PFKL: variants seen among roughly 807,000 people sequenced by gnomAD.
PFKL encodes phosphofructokinase, liver type.
PFKL carries 74 observed loss-of-function variants against 92.1 expected under a neutral mutation model. The observed-to-expected ratio is 0.80, with a 90% CI of 0.67 to 0.97. PFKL has a LOEUF of 0.97. PFKL is among the 50% of genes least tolerant of loss of function. The pLI, the probability that PFKL is intolerant of heterozygous loss-of-function variation, is 0.00. For synonymous variants in PFKL, 494 were observed against 456.4 expected (o/e 1.08, Z -1.05); for missense variants, 1,028 against 1,116.6 (o/e 0.92, Z 1.13).
intron 3 of PFKL, among the ~76,000 whole-genome samples, chr21:44,311,485 C>T (rs1334819262): frequency 6.6e-6 from 1 of 152,212 alleles, no homozygotes; most frequent in Non-Finnish European, 1.5e-5. Flanking sequence ...CAGATGCGCA[C>T]ACAGGTACAC....
chr21:44,324,394 C>G, intron 16 of PFKL, 97 bp from the exon 17 acceptor site: 1 of 1,329,598 alleles, frequency 7.5e-7, no homozygotes, highest in Non-Finnish European at 1.0e-6. Flanking sequence ...CCCAGGCTGG[C>G]TTTGGAGACA....
rs996260314 is a variant in PFKL, at chr21:44,303,053, T to G, written c.85+2863T>G. Among the ~76,000 whole-genome samples the G allele has an allele frequency of 4.6e-5, 7 of 152,004 alleles. No individual in the cohort carries two copies. In the East Asian group the frequency reaches 1.4e-3, roughly 29 times the overall value. On this transcript the variant is annotated intron_variant, in intron 1 of 21. Transcript: ENST00000349048. ...TTCAAGACCATCCTGGCTAACATGG[T>G]GAAACCTCGTCTCTACTAAAAATAC...
At chr21:44,314,222 C>T (rs2047136135) in intron 7 of PFKL, 1 of 578,994 alleles carries the variant, frequency 1.7e-6, no homozygotes, top group Non-Finnish European at 3.1e-6. Context: ...GTCCTGCCCC[C>T]AGTGGGCAGG....
At position 44,321,895 on chromosome 21, in the gene PFKL, A is replaced by G. The variant is rs2047365069; in HGVS notation, c.1338+20A>G. ...GGTCAGGTGGGTCCGGCCGGGGCAA[A>G]CAAGTGAGGACTTGGGCCTTCTGTG... On this transcript the variant is annotated intron_variant, in intron 13 of 21. Transcript: ENST00000349048. 2 of 1,515,702 alleles carry G rather than the reference A, an allele frequency of 1.3e-6. No homozygotes were observed. The highest frequency in any genetic ancestry group is 1.8e-6 in the Non-Finnish European group (2 of 1,129,660). The allele number at this position is 1,515,702 out of a possible 1,614,324, so 93.9% of individuals were successfully genotyped here. A position where few individuals can be genotyped will look rare whatever the true frequency, so the allele number is the denominator to read the frequency against.
rs569116193 is a variant in PFKL, at chr21:44,313,832, A to G, written c.639-81A>G. 5.2e-3 allele frequency: 7,092 copies of G among 1,351,750 alleles called. 27 individuals are homozygous for G. The highest frequency in any genetic ancestry group is 6.7e-3 in the Non-Finnish European group (6,528 of 976,430). The allele number at this position is 1,351,750 out of a possible 1,614,324, so 83.7% of individuals were successfully genotyped here. On this transcript the variant is annotated intron_variant, in intron 6 of 21. Transcript: ENST00000349048. ...GGGAGAGACAGAGAAGCTGTGGCCC[A>G]GAGTCGGACCTCTGGGTACAGGGAA...
intron 1 of PFKL, chr21:44,305,847 C>A (rs746508029): frequency 4.4e-6 from 6 of 1,366,502 alleles, no homozygotes; most frequent in Non-Finnish European, 5.9e-6. Flanking sequence ...GTTTCTTTCA[C>A]TGCAGTCCTG....
chr21:44,316,452 C>T lies in PFKL; in HGVS notation c.864C>T (p.Gly288=), dbSNP rs755070962. The change falls in exon 9 of 22, where the codon GGC becomes GGT. Residue 288 remains glycine, a synonymous_variant. Coordinates refer to ENST00000349048, the MANE Select transcript of PFKL (RefSeq NM_002626.6). ...TGCAGCTGGTGGTTCAGAGGCTGGG[C>T]TTCGACACCCGTGTAACTGTGCTGG... is the stretch of plus-strand genomic sequence containing the variant. ...YVKDLVVQRL[G]FDTRVTVLGH... is the part of the protein sequence containing the mutation. 3 of 1,611,766 alleles carry T rather than the reference C, an allele frequency of 1.9e-6. No homozygotes were observed. Among genetic ancestry groups the T allele is most frequent in the Non-Finnish European group, 2.5e-6 (3 of 1,178,900 alleles).
chr21:44,316,008 C>CTT (rs2047193848), intron 7 of PFKL: 2 of 555,686 alleles, frequency 3.6e-6, no homozygotes, highest in South Asian at 4.1e-5. Flanking sequence ...CCTTCCCAGG[C>CTT]TTTCGGGCAG....
At chr21:44,302,669 G>A (rs200621931) in intron 1 of PFKL, among the ~76,000 whole-genome samples, 8 of 152,206 alleles carry the variant, frequency 5.3e-5, no homozygotes, top group South Asian at 2.1e-4. Context: ...TGAAGTCTGC[G>A]TTTGTTGGAT....
Position 44,325,356 on chromosome 21 carries a change from CCACGGGCACT to C in PFKL, c.1989+94_1989+103del, listed in dbSNP as rs2047475485. 24 of 798,982 alleles carry C rather than the reference CCACGGGCACT, an allele frequency of 3.0e-5. 2 individuals are homozygous for C. The highest frequency in any genetic ancestry group is 2.6e-4 in the South Asian group (18 of 69,388). 49.5% of individuals were successfully genotyped at this position (798,982 alleles called of 1,614,324 possible). A position where few individuals can be genotyped will look rare whatever the true frequency, so the allele number is the denominator to read the frequency against. On this transcript the variant is annotated intron_variant, in intron 19 of 21. Coordinates refer to ENST00000349048, the MANE Select transcript of PFKL (RefSeq NM_002626.6). Reference sequence around the variant, plus strand: ...CAGGGGTCCCAGCCCTCACGGGCACCCACGGGCACTCCCGGCAGGCCCTCGGGCACGTGTG... The same window carrying C: ...CAGGGGTCCCAGCCCTCACGGGCACCCCCGGCAGGCCCTCGGGCACGTGTG...
At position 44,326,937 on chromosome 21, in the gene PFKL, C is replaced by A; in HGVS notation, c.*75C>A. Reference sequence around the variant, plus strand: ...CGCCAGGGCTCAGATGGGGCCTGGGCTGTTGTGTCTGGAGCCTGCAGGCAG... The same window carrying A: ...CGCCAGGGCTCAGATGGGGCCTGGGATGTTGTGTCTGGAGCCTGCAGGCAG... On this transcript the variant is annotated 3_prime_UTR_variant, in exon 22 of 22. Transcript: ENST00000349048. 7.3e-7 allele frequency: 1 copy of A among 1,373,086 alleles called. No homozygotes were observed. Among genetic ancestry groups the A allele is most frequent in the Non-Finnish European group, 1.0e-6 (1 of 989,116 alleles). 85.1% of individuals were successfully genotyped at this position (1,373,086 alleles called of 1,614,324 possible). A position where few individuals can be genotyped will look rare whatever the true frequency, so the allele number is the denominator to read the frequency against.
chr21:44,324,567 G>C lies in PFKL; in HGVS notation c.1727G>C (p.Cys576Ser). 6.2e-7 allele frequency: 1 copy of C among 1,613,328 alleles called. No homozygotes were observed. Among genetic ancestry groups the C allele is most frequent in the South Asian group, 1.1e-5 (1 of 91,062 alleles). The change falls in exon 17 of 22, where the codon TGT becomes TCT. Residue 576 changes from cysteine (C) to serine (S), a missense_variant. Cys to Ser is a moderately radical substitution (Grantham distance 112). Coordinates refer to ENST00000349048, the MANE Select transcript of PFKL (RefSeq NM_002626.6). Reference sequence around the variant, plus strand: ...ATCGTGGAGACCATGGGGGGTTACTGTGGCTACCTGGCCACCGTGACTGGC... The same window carrying C: ...ATCGTGGAGACCATGGGGGGTTACTCTGGCTACCTGGCCACCGTGACTGGC... ...VFIVETMGGY[C>S]GYLATVTGIA...
chr21:44,324,553 C>T lies in PFKL; in HGVS notation c.1713C>T (p.Thr571=), dbSNP rs145754880. The change falls in exon 17 of 22, where the codon ACC becomes ACT. Residue 571 remains threonine (T), a synonymous_variant. Transcript: ENST00000349048. ...AGCGCCGTGTGTTCATCGTGGAGAC[C>T]ATGGGGGGTTACTGTGGCTACCTGG... ...GTKRRVFIVE[T]MGGYCGYLAT... 8.7e-6 allele frequency: 14 copies of T among 1,613,470 alleles called. No homozygotes were observed. The African/African-American group carries it at 1.7e-4, about 20-fold the overall frequency.
chr21:44,310,549 A>G (rs1222265205), intron 2 of PFKL, among the ~76,000 whole-genome samples: 19 of 152,076 alleles, frequency 1.2e-4, no homozygotes, highest in Admixed American at 1.2e-3. Flanking sequence ...CGCGCCGCAC[A>G]CCCCGCCGGC....
intron 2 of PFKL, among the ~76,000 whole-genome samples, chr21:44,307,675 A>G (rs1007329704): frequency 2.6e-5 from 4 of 152,018 alleles, no homozygotes; most frequent in African/African-American, 9.7e-5. Flanking sequence ...GTGTGAATGA[A>G]TGAGTGAGTG....
At chr21:44,303,059 C>T (rs1480531142) in intron 1 of PFKL, among the ~76,000 whole-genome samples, 1 of 152,076 alleles carries the variant, frequency 6.6e-6, no homozygotes, top group Non-Finnish European at 1.5e-5. Context: ...ATGGTGAAAC[C>T]TCGTCTCTAC....
chr21:44,322,914 C>T (rs563392108), intron 14 of PFKL, 48 bp from the exon 15 acceptor site: 36 of 1,396,028 alleles, frequency 2.6e-5, no homozygotes, highest in African/African-American at 7.1e-5. Context: ...AATCTGGACA[C>T]GCGTCCCCGG....
At chr21:44,304,636 T>G (rs2146419327) in intron 1 of PFKL, among the ~76,000 whole-genome samples, 2 of 150,714 alleles carry the variant, frequency 1.3e-5, no homozygotes, top group South Asian at 4.2e-4. Flanking sequence ...GCAGCAGGAC[T>G]TGGCTCTGCT....
intron 11 of PFKL, chr21:44,319,623 C>T (rs558216031): frequency 5.0e-6 from 3 of 598,886 alleles, no homozygotes; most frequent in African/African-American, 1.9e-5. Flanking sequence ...GTGGCACGGG[C>T]AGGGCCCAGT....
Sources: allele counts gnomAD v4.1 joint callset (sites outside exome capture counted in the v4.1 genomes callset), GRCh38; gene constraint gnomAD v4.1.1; transcripts MANE v1.5; gene names NCBI Gene and HGNC (gene_info 2026-07-23, HGNC 2026-07-21).